UBE3C: variants seen among roughly 807,000 people sequenced by gnomAD.
UBE3C encodes ubiquitin protein ligase E3C.
UBE3C carries 42 observed loss-of-function variants against 129.4 expected under a neutral mutation model. The observed-to-expected ratio is 0.32, with a 90% confidence interval of 0.25 to 0.42. The LOEUF is 0.42. Among genes scored for constraint, UBE3C ranks in the 10% least tolerant of loss-of-function variants. The pLI is 1.00. For missense variants in UBE3C, 1,049 were observed against 1,319.1 expected, an observed-to-expected ratio of 0.80 and a Z score of 3.17; for synonymous variants, 510 against 492.4, an observed-to-expected ratio of 1.04 and a Z score of -0.47.
chr7:157,237,249 G>A (rs1266841362), intron 18 of UBE3C, among the ~76,000 whole-genome samples: 1 of 151,812 alleles, frequency 6.6e-6, no homozygotes, highest in Non-Finnish European at 1.5e-5. Context: ...AGACCATCCT[G>A]GCTAACACGG....
chr7:157,178,031 A>G (rs1364299152), intron 5 of UBE3C, among the ~76,000 whole-genome samples: 1 of 151,782 alleles, frequency 6.6e-6, no homozygotes, highest in Non-Finnish European at 1.5e-5. Flanking sequence ...AAAGTTTTTG[A>G]TAGAAAAAAG....
chr7:157,182,345 C>T lies in UBE3C; in HGVS notation c.991+17C>T, dbSNP rs1031105318. On this transcript the variant is annotated intron_variant, in intron 8 of 22. Coordinates refer to ENST00000348165, the MANE Select transcript of UBE3C (RefSeq NM_014671.3). ...ATTATTTGGGTATGAAATACAAGAT[C>T]TTTTTTACCTGAACACACATATGGG... 6.2e-7 allele frequency: 1 copy of T among 1,610,740 alleles called. No homozygotes were observed. Among genetic ancestry groups the T allele is most frequent in the East Asian group, 2.2e-5 (1 of 44,860 alleles).
chr7:157,229,189 T>C (rs992562865), intron 17 of UBE3C, among the ~76,000 whole-genome samples: 1 of 152,220 alleles, frequency 6.6e-6, no homozygotes, highest in Non-Finnish European at 1.5e-5. Context: ...AAAGCACCTG[T>C]AGAACATTCT....
intron 18 of UBE3C, among the ~76,000 whole-genome samples, chr7:157,239,610 G>A (rs759901322): frequency 4.6e-5 from 7 of 152,200 alleles, no homozygotes; most frequent in African/African-American, 9.7e-5. Context: ...AGGAAGGATC[G>A]GAGAAGAATT....
intron 1 of UBE3C, among the ~76,000 whole-genome samples, chr7:157,139,815 C>T (rs1449397220): frequency 6.6e-6 from 1 of 152,232 alleles, no homozygotes; most frequent in Non-Finnish European, 1.5e-5. Context: ...TTTCGAATGC[C>T]ACCTGAAGGG....
intron 18 of UBE3C, among the ~76,000 whole-genome samples, chr7:157,242,935 A>G (rs536949161): frequency 1.3e-5 from 2 of 152,170 alleles, no homozygotes; most frequent in South Asian, 4.2e-4. Context: ...GTTGCCTCTA[A>G]TTCCAGCTAC....
rs139662006 is a variant in UBE3C at position 157,249,628 on chromosome 7, C to G, written c.2694+1048C>G. ...GTGGCCGGCACGACAGAGCCTTTTA[C>G]GTGGTCTTCCTTCACTTGTAGTTGC... is the stretch of plus-strand genomic sequence containing the variant. On this transcript the variant is annotated intron_variant, in intron 19 of 22. Transcript: ENST00000348165. Among the ~76,000 whole-genome samples the G allele has an allele frequency of 4.2e-3, 647 of 152,236 alleles. 6 individuals carry two copies. The highest frequency in any genetic ancestry group is 0.015 in the African/African-American group (615 of 41,542).
intron 1 of UBE3C, among the ~76,000 whole-genome samples, chr7:157,161,357 A>G (rs561573631): frequency 6.6e-6 from 1 of 152,298 alleles, no homozygotes; most frequent in East Asian, 1.9e-4. Context: ...TTAAGTTTAA[A>G]ACAATATTTT....
Position 157,216,988 on chromosome 7 carries a change from T to G in UBE3C, c.1914+17T>G, listed in dbSNP as rs1401483841. 2 of 1,569,158 alleles carry G rather than the reference T, an allele frequency of 1.3e-6. No homozygotes were observed. The highest frequency in any genetic ancestry group is 1.7e-5 in the Admixed American group (1 of 57,522). ...GCAGATAAGGTGTTATTGAAAGATC[T>G]TTTTAATATTTATCATTAAAAAATA... is the stretch of plus-strand genomic sequence containing the variant. On this transcript the variant is annotated intron_variant, in intron 14 of 22. Coordinates refer to ENST00000348165, the MANE Select transcript of UBE3C (RefSeq NM_014671.3).
chr7:157,175,095 C>A, intron 5 of UBE3C, 61 bp downstream of exon 5: 49 of 876,086 alleles, frequency 5.6e-5, no homozygotes, highest in East Asian at 8.8e-5. Flanking sequence ...TCTAGGGGAA[C>A]ACCTTTTGAC....
intron 18 of UBE3C, among the ~76,000 whole-genome samples, chr7:157,233,555 C>T (rs1246827283): frequency 2.0e-5 from 3 of 152,202 alleles, no homozygotes; most frequent in African/African-American, 4.8e-5. Flanking sequence ...GCTAGAATTA[C>T]AGGTGTGAGC....
chr7:157,231,744 C>T, intron 18 of UBE3C: 1 of 168,668 alleles, frequency 5.9e-6, no homozygotes, highest in Non-Finnish European at 1.3e-5. Context: ...CCAGGGGCTG[C>T]CTCTGGACCA....
intron 3 of UBE3C, among the ~76,000 whole-genome samples, chr7:157,169,975 T>C (rs1034346242): frequency 5.3e-5 from 8 of 152,122 alleles, no homozygotes; most frequent in African/African-American, 1.7e-4. Flanking sequence ...TGAGCCATCG[T>C]GCCCTGCCTA....
chr7:157,141,034 C>T (rs1807431786), intron 1 of UBE3C, among the ~76,000 whole-genome samples: 1 of 152,184 alleles, frequency 6.6e-6, no homozygotes, highest in Non-Finnish European at 1.5e-5. Flanking sequence ...GAGCATGCTA[C>T]AATTGGCCCT....
At chr7:157,246,003 A>AAC (rs1554437630) in intron 18 of UBE3C, among the ~76,000 whole-genome samples, 2 of 151,814 alleles carry the variant, frequency 1.3e-5, no homozygotes, top group South Asian at 2.1e-4. Context: ...AAAAAAAAAA[A>AAC]AAAAAAAAAA....
Position 157,163,969 on chromosome 7 carries a change from A to G in UBE3C, c.120+106A>G, listed in dbSNP as rs1254597515. 3.4e-5 allele frequency: 35 copies of G among 1,020,498 alleles called. No homozygotes were observed. The South Asian group carries it at 3.6e-4, about 11-fold the overall frequency. The allele number at this position is 1,020,498 out of a possible 1,614,324, so 63.2% of individuals were successfully genotyped here. ...GTATGTGTGTATGTATTTTTTATATATGACAGAATGTGTGTGTATGTGTGT... is the reference window on the plus strand; with the variant it reads ...GTATGTGTGTATGTATTTTTTATATGTGACAGAATGTGTGTGTATGTGTGT... On this transcript the variant is annotated intron_variant, in intron 2 of 22. Transcript: ENST00000348165.
In UBE3C at chr7:157,201,746, G is replaced by A; in HGVS notation, c.1357G>A (p.Ala453Thr). ...GCTTCTCTACAGTTTAGCCTTTAAT[G>A]CCAGGTTTCTGAGACATCTTTGGTT... Reference protein sequence around the residue: ...VRLLYSLAFNARFLRHLWFLI... With the variant: ...VRLLYSLAFNTRFLRHLWFLI... The change falls in exon 11 of 23, where the codon GCC becomes ACC. Residue 453 changes from alanine to threonine, a missense_variant. Ala to Thr is a moderately conservative substitution (Grantham distance 58, BLOSUM62 0). Transcript: ENST00000348165. 1.3e-6 allele frequency: 2 copies of A among 1,581,836 alleles called. No individual in the cohort carries two copies. Among genetic ancestry groups the A allele is most frequent in the South Asian group, 1.1e-5 (1 of 90,218 alleles).
chr7:157,256,969 G>C lies in UBE3C; in HGVS notation c.3006G>C (p.Gly1002=), dbSNP rs181925855. 2.6e-5 allele frequency: 42 copies of C among 1,614,158 alleles called. No individual in the cohort carries two copies. The African/African-American group carries it at 4.1e-4, about 16-fold the overall frequency. The change falls in exon 22 of 23, where the codon GGG becomes GGC. Residue 1002 remains glycine (G), a synonymous_variant. Transcript: ENST00000348165. ...AGGTCTTCTGGAGAGTTGTGGAAGGGTTCACTGATGAAGAAAAGCGCAAAC... is the reference window on the plus strand; with the variant it reads ...AGGTCTTCTGGAGAGTTGTGGAAGGCTTCACTGATGAAGAAAAGCGCAAAC... ...VIKVFWRVVE[G]FTDEEKRKLL...
intron 10 of UBE3C, chr7:157,192,863 T>TAAAAAAAAAAAA: frequency 1.3e-6 from 1 of 747,586 alleles, no homozygotes; most frequent in South Asian, 1.7e-5. Context: ...GACATGAACT[T>TAAAAAAAAAAAA]AAAAAAAAAA....
Sources: allele counts gnomAD v4.1 joint callset (sites outside exome capture counted in the v4.1 genomes callset), GRCh38; gene constraint gnomAD v4.1.1; transcripts MANE v1.5; gene names NCBI Gene and HGNC (gene_info 2026-07-23, HGNC 2026-07-21).